Variants in WASHC3 observed in about 807,000 individuals in gnomAD.
WASHC3 encodes WASH complex subunit CCDC53.
A neutral mutation model predicts 26.1 loss-of-function variants in WASHC3; 24 were observed. The ratio of observed to expected loss-of-function variants is 0.92; its 90% CI spans 0.66 to 1.29. The LOEUF (loss-of-function observed/expected upper bound fraction) is 1.29, where lower values mean the gene tolerates loss of function less well. Ranked by LOEUF, WASHC3 falls within the 50% of genes most tolerant of loss-of-function variation. WASHC3 has a pLI of 0.00. For missense variants in WASHC3, 214 were observed against 229.6 expected (o/e 0.93, Z 0.44); for synonymous variants, 77 against 75.7 (o/e 1.02, Z -0.09).
chr12:102,045,216 A>G (rs1878108794), intron 3 of WASHC3, among the ~76,000 whole-genome samples: 1 of 152,170 alleles, frequency 6.6e-6, no homozygotes, highest in African/African-American at 2.4e-5. Context: ...TCAAGTGGGT[A>G]TGGCTGCTAG....
chr12:102,023,602 T>C (rs1027233711), intron 6 of WASHC3, among the ~76,000 whole-genome samples: 25 of 152,188 alleles, frequency 1.6e-4, no homozygotes, highest in African/African-American at 4.8e-4. Context: ...TCCAAAAGCA[T>C]CATAATTCCT....
rs1877869765 is a variant in WASHC3, at chr12:102,039,908, T to A, written c.395A>T (p.Lys132Met). 2 of 1,603,436 alleles carry A rather than the reference T, an allele frequency of 1.2e-6. No homozygotes were observed. Among genetic ancestry groups the A allele is most frequent in the East Asian group, 4.5e-5 (2 of 44,686 alleles). Residue 132 changes from lysine to methionine, a missense_variant, in exon 5 of 7, where the codon AAG (lysine) becomes ATG (methionine). Transcript: ENST00000240079. ...GAGATATCTGGCATATCTTGGATCC[T>A]TGGCTACAGTTAAGATATTTTCTGC... The part of the protein sequence containing the change: ...VSAENILTVA[K>M]DPRYARYLKM...
At chr12:102,027,562 TA>T (rs1395766630) in intron 5 of WASHC3, among the ~76,000 whole-genome samples, 1 of 152,200 alleles carries the variant, frequency 6.6e-6, no homozygotes, top group Non-Finnish European at 1.5e-5. Context: ...CTCATTTTTT[TA>T]ATAAGAAAAT....
At chr12:102,061,451 A>G in intron 1 of WASHC3, 105 bp from the exon 2 acceptor site, 1 of 762,378 alleles carries the variant, frequency 1.3e-6, no homozygotes. Context: ...TGTGATATGA[A>G]TTTCTTGAAG....
chr12:102,060,856 G>A (rs1878775162), intron 2 of WASHC3, among the ~76,000 whole-genome samples: 1 of 150,080 alleles, frequency 6.7e-6, no homozygotes, highest in African/African-American at 2.5e-5. Flanking sequence ...TCAGGAGGCT[G>A]AGGCAGGAGA....
At chr12:102,019,968 C>T (rs933141763) in intron 6 of WASHC3, among the ~76,000 whole-genome samples, 2 of 152,172 alleles carry the variant, frequency 1.3e-5, no homozygotes, top group Non-Finnish European at 2.9e-5. Flanking sequence ...CAACTAGAAT[C>T]CTTGCTGTCC....
At chr12:102,046,697 A>T (rs1443709575) in intron 2 of WASHC3, among the ~76,000 whole-genome samples, 2 of 152,232 alleles carry the variant, frequency 1.3e-5, no homozygotes, top group Non-Finnish European at 2.9e-5. Context: ...GAATATAAAC[A>T]AACCAGGACA....
chr12:102,017,363 A>G (rs1876751292), intron 6 of WASHC3, among the ~76,000 whole-genome samples: 1 of 152,188 alleles, frequency 6.6e-6, no homozygotes, highest in Middle Eastern at 3.2e-3. Context: ...ATATACAAAT[A>G]AGGCTGAACT....
intron 3 of WASHC3, among the ~76,000 whole-genome samples, chr12:102,044,924 G>A (rs1050850773): frequency 6.6e-6 from 1 of 152,088 alleles, no homozygotes; most frequent in African/African-American, 2.4e-5. Flanking sequence ...ACACGCATTT[G>A]TCGATGTTTG....
rs781142802 is a variant in WASHC3 at position 102,035,900 on chromosome 12, T to G, written c.435+3968A>C. 2.2e-4 allele frequency among the ~76,000 whole-genome samples: 34 copies of G among 152,190 alleles called. 1 individual carries two copies. Among genetic ancestry groups the G allele is most frequent in the Admixed American group, 4.6e-4 (7 of 15,282 alleles). ...GAGCTATTACTTCTAGCTTTACGTGTGTTGGTGGGTTTAGAATCTGGAATG... is the reference window on the plus strand; with the variant it reads ...GAGCTATTACTTCTAGCTTTACGTGGGTTGGTGGGTTTAGAATCTGGAATG... On this transcript the variant is annotated intron_variant, in intron 5 of 6. Coordinates refer to ENST00000240079, the MANE Select transcript of WASHC3 (RefSeq NM_016053.4).
chr12:102,024,197 A>C (rs967239565), intron 6 of WASHC3, among the ~76,000 whole-genome samples: 1 of 152,236 alleles, frequency 6.6e-6, no homozygotes, highest in Non-Finnish European at 1.5e-5. Context: ...AGAGAATCTG[A>C]ATCTTGATGA....
intron 2 of WASHC3, among the ~76,000 whole-genome samples, chr12:102,049,158 C>G (rs1298589689): frequency 4.6e-5 from 7 of 152,210 alleles, no homozygotes; most frequent in African/African-American, 1.7e-4. Context: ...CTGCAGGGGA[C>G]TGTCCTGAGC....
At chr12:102,023,524 T>G (rs770889465) in intron 6 of WASHC3, among the ~76,000 whole-genome samples, 23 of 152,212 alleles carry the variant, frequency 1.5e-4, no homozygotes, top group Non-Finnish European at 2.4e-4. Context: ...ATGGCACATT[T>G]TCTTCTCTTT....
intron 5 of WASHC3, among the ~76,000 whole-genome samples, chr12:102,029,631 C>G (rs570098369): frequency 7.2e-5 from 11 of 152,104 alleles, no homozygotes; most frequent in Non-Finnish European, 1.6e-4. Flanking sequence ...GGGGGAAAAA[C>G]AACTTCATTG....
At chr12:102,033,231 A>T (rs1249003809) in intron 5 of WASHC3, among the ~76,000 whole-genome samples, 2 of 152,074 alleles carry the variant, frequency 1.3e-5, no homozygotes, top group African/African-American at 4.8e-5. Flanking sequence ...AATCAGGAAA[A>T]ATCTGTTTTT....
At chr12:102,024,692 T>C (rs139949134) in intron 6 of WASHC3, among the ~76,000 whole-genome samples, 28 of 152,312 alleles carry the variant, frequency 1.8e-4, no homozygotes, top group African/African-American at 6.5e-4. Context: ...GATAATCATT[T>C]TAAAGGTAAT....
Position 102,038,873 on chromosome 12 carries a change from G to A in WASHC3, c.435+995C>T, listed in dbSNP as rs145714316. On this transcript the variant is annotated intron_variant, in intron 5 of 6. Coordinates refer to ENST00000240079, the MANE Select transcript of WASHC3 (RefSeq NM_016053.4). Reference sequence around the variant, plus strand: ...ATTACTAGGTGATAAACTATCCCATGGACAGCAAAACAAAACTGTCCTTTA... The same window carrying A: ...ATTACTAGGTGATAAACTATCCCATAGACAGCAAAACAAAACTGTCCTTTA... 2.0e-3 allele frequency among the ~76,000 whole-genome samples: 300 copies of A among 152,084 alleles called. 2 individuals are homozygous for A. Among genetic ancestry groups the A allele is most frequent in the African/African-American group, 6.7e-3 (279 of 41,502 alleles).
At position 102,044,093 on chromosome 12, in the gene WASHC3, G is replaced by A; in HGVS notation, c.324+12C>T. 3 of 1,455,822 alleles carry A rather than the reference G, an allele frequency of 2.1e-6. No individual in the cohort carries two copies. Among genetic ancestry groups the A allele is most frequent in the Non-Finnish European group, 1.9e-6 (2 of 1,049,156 alleles). The allele number at this position is 1,455,822 out of a possible 1,614,324, so 90.2% of individuals were successfully genotyped here. On this transcript the variant is annotated intron_variant, in intron 4 of 6. Coordinates refer to ENST00000240079, the MANE Select transcript of WASHC3 (RefSeq NM_016053.4). ...ACCAAGAACATCTGCTCGTTTCTTA[G>A]AACTCACTTACCTGTGGTTGCTCTG... is the stretch of plus-strand genomic sequence containing the variant.
At chr12:102,016,957 G>A (rs1206559274) in intron 6 of WASHC3, among the ~76,000 whole-genome samples, 2 of 152,166 alleles carry the variant, frequency 1.3e-5, no homozygotes, top group African/African-American at 4.8e-5. Context: ...TAAGTGTACA[G>A]TGTTTATGAA....
Sources: gnomAD v4.1 joint callset for allele counts (sites outside exome capture counted in the v4.1 genomes callset) on GRCh38, gnomAD v4.1.1 for gene constraint, MANE v1.5 for transcripts, NCBI Gene and HGNC (gene_info 2026-07-23, HGNC 2026-07-21) for gene names.